FAM184A: variants seen among roughly 807,000 people sequenced by gnomAD.
The protein encoded by FAM184A is family with sequence similarity 184 member A.
Under a neutral mutation model 143.8 loss-of-function variants are expected in FAM184A, and 99 were observed. The ratio of observed to expected loss-of-function variants is 0.69; its 90% CI spans 0.58 to 0.81. The LOEUF is 0.81. Ranked by LOEUF, FAM184A falls within the 40% of genes least tolerant of loss-of-function variation. FAM184A has a pLI of 0.00. For synonymous variants in FAM184A, 427 were observed against 446.4 expected, an observed-to-expected ratio of 0.96 and a Z score of 0.55; for missense variants, 1,217 against 1,310.5, an observed-to-expected ratio of 0.93 and a Z score of 1.10.
chr6:119,106,464 G>A (rs1315627137), intron 1 of FAM184A, among the ~76,000 whole-genome samples: 4 of 152,206 alleles, frequency 2.6e-5, no homozygotes, highest in East Asian at 1.9e-4. Context: ...TCATTTGTAT[G>A]GCTATTACTC....
intron 1 of FAM184A, among the ~76,000 whole-genome samples, chr6:119,091,113 TTGCTGTGTATTAA>T (rs1788352695): frequency 6.6e-6 from 1 of 152,222 alleles, no homozygotes; most frequent in South Asian, 2.1e-4. Context: ...TGTGAGATTC[TTGCTGTGTATTAA>T]TGCTGTGTAC....
chr6:118,981,304 T>C (rs1784015061), intron 9 of FAM184A, among the ~76,000 whole-genome samples: 1 of 152,210 alleles, frequency 6.6e-6, no homozygotes, highest in Non-Finnish European at 1.5e-5. Context: ...TGAAACTACG[T>C]ATCTGTATTC....
intron 1 of FAM184A, among the ~76,000 whole-genome samples, chr6:119,099,521 G>A (rs1336670845): frequency 6.6e-6 from 1 of 152,090 alleles, no homozygotes; most frequent in East Asian, 1.9e-4. Flanking sequence ...TTCAAAAGGG[G>A]TCCTGCTCCG....
intron 1 of FAM184A, among the ~76,000 whole-genome samples, chr6:119,142,667 C>T (rs1459032612): frequency 6.6e-6 from 1 of 152,172 alleles, no homozygotes; most frequent in African/African-American, 2.4e-5. Context: ...TACGAAGCCT[C>T]AGCATCTACA....
intron 4 of FAM184A, among the ~76,000 whole-genome samples, chr6:119,018,815 CA>C (rs1429050960): frequency 6.6e-6 from 1 of 151,892 alleles, no homozygotes; most frequent in African/African-American, 2.4e-5. Flanking sequence ...GTAGAACCAA[CA>C]GGACTCTGTA....
chr6:118,975,249 A>G (rs911730110), intron 12 of FAM184A, 41 bp from the exon 13 acceptor site: 2 of 1,381,004 alleles, frequency 1.4e-6, no homozygotes, highest in South Asian at 2.8e-5. Flanking sequence ...TTTTCTACAT[A>G]TTTGATTTCT....
intron 1 of FAM184A, among the ~76,000 whole-genome samples, chr6:119,135,861 A>C (rs1300181644): frequency 6.6e-6 from 1 of 152,006 alleles, no homozygotes; most frequent in East Asian, 1.9e-4. Flanking sequence ...AAAATATTAA[A>C]ATATATATTA....
At chr6:119,038,477 C>G (rs1786195205) in intron 1 of FAM184A, among the ~76,000 whole-genome samples, 1 of 152,118 alleles carries the variant, frequency 6.6e-6, no homozygotes, top group Non-Finnish European at 1.5e-5. Flanking sequence ...CCCACCAAAA[C>G]CAAAATGGCC....
At chr6:119,120,162 T>C (rs1789172369) in intron 1 of FAM184A, among the ~76,000 whole-genome samples, 1 of 152,334 alleles carries the variant, frequency 6.6e-6, no homozygotes, top group Admixed American at 6.5e-5. Flanking sequence ...ACCCATTTGC[T>C]GTTACTCATA....
intron 1 of FAM184A, among the ~76,000 whole-genome samples, chr6:119,130,272 C>CA (rs1021971952): frequency 6.6e-6 from 1 of 152,072 alleles, no homozygotes; most frequent in Non-Finnish European, 1.5e-5. Flanking sequence ...AGGGAGCCCC[C>CA]AAATCAGAAA....
chr6:119,136,388 A>G (rs1415463357), intron 1 of FAM184A, among the ~76,000 whole-genome samples: 1 of 152,022 alleles, frequency 6.6e-6, no homozygotes, highest in African/African-American at 2.4e-5. Flanking sequence ...TTCTTGCCCA[A>G]TTATAGATAT....
intron 1 of FAM184A, among the ~76,000 whole-genome samples, chr6:119,117,882 A>AG (rs1331339931): frequency 2.9e-3 from 443 of 152,256 alleles, no homozygotes; most frequent in African/African-American, 0.01. Context: ...AGAAACAGGC[A>AG]GGGGTGGGGG....
intron 9 of FAM184A, among the ~76,000 whole-genome samples, chr6:118,992,921 C>A (rs1386488028): frequency 6.6e-6 from 1 of 152,088 alleles, no homozygotes; most frequent in Non-Finnish European, 1.5e-5. Flanking sequence ...CACAGCAAGA[C>A]CCTATCTCAA....
intron 1 of FAM184A, among the ~76,000 whole-genome samples, chr6:119,136,074 C>T (rs1176641235): frequency 6.7e-6 from 1 of 148,554 alleles, no homozygotes; most frequent in Non-Finnish European, 1.5e-5. Flanking sequence ...GTCAGGAGAT[C>T]GAGACCATCC....
intron 6 of FAM184A, among the ~76,000 whole-genome samples, chr6:119,010,654 TGTTTTGATATAAAGAA>T (rs1196722359): frequency 2.8e-4 from 42 of 152,206 alleles, no homozygotes; most frequent in African/African-American, 9.4e-4. Flanking sequence ...GCTTATGGTG[TGTTTTGATATAAAGAA>T]GTTTTAGCTT....
rs370694710 is a variant in FAM184A, at chr6:118,994,610, C to T, written c.2088+8289G>A. 8.6e-5 allele frequency among the ~76,000 whole-genome samples: 13 copies of T among 151,692 alleles called. No homozygotes were observed. In the East Asian group the frequency reaches 1.4e-3, roughly 16 times the overall value. On this transcript the variant is annotated intron_variant, in intron 9 of 17. Coordinates refer to ENST00000338891, the MANE Select transcript of FAM184A (RefSeq NM_024581.6). The stretch of plus-strand genomic sequence containing the variant: ...CTGAGGCAGGAGAATTGCTTGAACC[C>T]GGGAGGCGGAGGTTGCAGTGAACCG...
At chr6:119,047,051 A>AT (rs761839459) in intron 1 of FAM184A, among the ~76,000 whole-genome samples, 5 of 78,816 alleles carry the variant, frequency 6.3e-5, no homozygotes, top group South Asian at 1.2e-3. Flanking sequence ...TAATAATCTG[A>AT]TAAAAAAATG....
At chr6:119,050,533 G>A (rs139523989) in intron 1 of FAM184A, among the ~76,000 whole-genome samples, 2,039 of 152,030 alleles carry the variant, frequency 0.013, 21 homozygotes, top group Middle Eastern at 0.041. Flanking sequence ...TAGGCCGGGC[G>A]CGGTGGCTCA....
chr6:119,131,744 A>C (rs1265979336), intron 1 of FAM184A, among the ~76,000 whole-genome samples: 1 of 151,514 alleles, frequency 6.6e-6, no homozygotes, highest in Non-Finnish European at 1.5e-5. Context: ...CAGCCCCCCA[A>C]AGTATTGGGA....
Sources: allele counts gnomAD v4.1 joint callset (sites outside exome capture counted in the v4.1 genomes callset), GRCh38; gene constraint gnomAD v4.1.1; transcripts MANE v1.5; gene names NCBI Gene and HGNC (gene_info 2026-07-23, HGNC 2026-07-21).